RHBDF1: variants seen among roughly 807,000 people sequenced by gnomAD.
RHBDF1 encodes rhomboid 5 homolog 1.
A neutral mutation model predicts 98.6 loss-of-function variants in RHBDF1; 80 were observed. That is an observed-to-expected ratio of 0.81 (90% CI 0.68 to 0.98). The LOEUF (loss-of-function observed/expected upper bound fraction) is 0.98, where lower values mean the gene tolerates loss of function less well. Among genes scored for constraint, RHBDF1 ranks in the 50% least tolerant of loss-of-function variants. The pLI, the probability that RHBDF1 is intolerant of heterozygous loss-of-function variation, is 0.00. For synonymous variants in RHBDF1, 512 were observed against 486.8 expected (o/e 1.05, Z -0.68); for missense variants, 1,116 against 1,198.3 (o/e 0.93, Z 1.01).
intron 3 of RHBDF1, chr16:64,394 C>A (rs1897763253): frequency 7.2e-7 from 1 of 1,388,920 alleles, no homozygotes; most frequent in South Asian, 1.2e-5. Flanking sequence ...GCCCGGGGAC[C>A]CAAGAGGGGC....
intron 1 of RHBDF1, among the ~76,000 whole-genome samples, chr16:66,238 C>T (rs1030581420): frequency 3.3e-5 from 5 of 152,172 alleles, no homozygotes; most frequent in South Asian, 2.1e-4. Context: ...CTGACAGGCT[C>T]GGAGCCGCTG....
rs142226341 is a variant in RHBDF1, at chr16:58,715, G to A, written c.2193C>T (p.Phe731=). 4.8e-5 allele frequency: 78 copies of A among 1,612,886 alleles called. No homozygotes were observed. The Middle Eastern group carries it at 5.0e-4, about 10-fold the overall frequency. ...GSQFGILACL[F]VELFQSWQIL... ...TCTGCCAGCTCTGGAAGAGCTCCAC[G>A]AAGAGGCAGGCCAGGATGCCGAACT... The change falls in exon 18 of 18, where the codon TTC becomes TTT. Residue 731 remains phenylalanine, a synonymous_variant. Transcript: ENST00000262316.
upstream of RHBDF1, chr16:72,722 TGCCCG>T: frequency 3.1e-6 from 3 of 983,044 alleles, no homozygotes; most frequent in Non-Finnish European, 3.6e-6. Flanking sequence ...GCCGCCCGCC[TGCCCG>T]GCCCAAGTCA....
At chr16:68,683 C>T (rs1009989195) in intron 1 of RHBDF1, among the ~76,000 whole-genome samples, 3 of 152,078 alleles carry the variant, frequency 2.0e-5, no homozygotes, top group South Asian at 4.1e-4. Context: ...GCAGGACTCT[C>T]GATGAGGCTG....
Position 63,180 on chromosome 16 carries a change from G to A in RHBDF1, c.465C>T (p.Ile155=), listed in dbSNP as rs761800008. ...CACGGCCACGGGCCAGGGGGTCTAT[G>A]ATCTGGAGGAGGGGAGGAGATGCTG... ...VGPCQLGMQK[I]IDPLARGRAF... Residue 155 remains isoleucine, a splice_region_variant and synonymous_variant, in exon 5 of 18, where the codon ATC becomes ATT. Transcript: ENST00000262316. The A allele has an allele frequency of 6.4e-7, 1 of 1,567,574 alleles. No homozygotes were observed. The highest frequency in any genetic ancestry group is 2.3e-5 in the East Asian group (1 of 42,980).
chr16:64,525 G>A (rs1032741164), intron 3 of RHBDF1, 174 bp downstream of exon 3: 8 of 1,545,412 alleles, frequency 5.2e-6, no homozygotes, highest in Non-Finnish European at 6.1e-6. Flanking sequence ...GGGTAGTGGG[G>A]TGAGAGCGGT....
chr16:60,421 G>C lies in RHBDF1; in HGVS notation c.1658+18C>G, dbSNP rs753437960. 2.1e-4 allele frequency: 330 copies of C among 1,608,246 alleles called. No homozygotes were observed. Among genetic ancestry groups the C allele is most frequent in the Non-Finnish European group, 2.7e-4 (317 of 1,176,794 alleles). ...GGTGTGGACAAAGGCAGGTGAGAGA[G>C]CTGCCGGCAGGACTAACCTGGGATC... is the stretch of plus-strand genomic sequence containing the variant. On this transcript the variant is annotated intron_variant, in intron 12 of 17. Coordinates refer to ENST00000262316, the MANE Select transcript of RHBDF1 (RefSeq NM_022450.5).
chr16:67,584 T>G (rs948212403), intron 1 of RHBDF1, among the ~76,000 whole-genome samples: 12 of 152,328 alleles, frequency 7.9e-5, no homozygotes, highest in African/African-American at 2.9e-4. Flanking sequence ...GCAAATGCGC[T>G]CTGCCCACCC....
upstream of RHBDF1, chr16:74,059 A>C (rs1441381011): frequency 1.9e-6 from 1 of 533,768 alleles, no homozygotes; most frequent in Non-Finnish European, 2.4e-6. Flanking sequence ...AGACAATGGA[A>C]GCTTTGGAGG....
chr16:59,139 A>G lies in RHBDF1; in HGVS notation c.1995-12T>C, dbSNP rs1567111713. ...GGCAGTGCAAGATCCTGTAGTCAGT[A>G]GCAGGCGGGGGTCGGGAGACATTCA... On this transcript the variant is annotated splice_polypyrimidine_tract_variant and intron_variant, in intron 16 of 17. Coordinates refer to ENST00000262316, the MANE Select transcript of RHBDF1 (RefSeq NM_022450.5). 6.2e-7 allele frequency: 1 copy of G among 1,611,140 alleles called. No individual in the cohort carries two copies. The highest frequency in any genetic ancestry group is 1.7e-5 in the Admixed American group (1 of 59,966).
chr16:71,466 G>A (rs1205209439), intron 1 of RHBDF1, among the ~76,000 whole-genome samples: 1 of 152,214 alleles, frequency 6.6e-6, no homozygotes, highest in Non-Finnish European at 1.5e-5. Flanking sequence ...GTTGGGGTTA[G>A]CTCCACAGGG....
rs761037549 is a variant in RHBDF1, at chr16:59,063, C to T, written c.2059G>A (p.Ala687Thr). Residue 687 changes from alanine to threonine, a missense_variant, in exon 17 of 18, where the codon GCA (alanine) becomes ACA (threonine). Physicochemically the swap from Ala to Thr is moderately conservative, Grantham distance 58 (BLOSUM62 0). Transcript: ENST00000262316. ...MTVLRDLEKLAGWHRIAIIYL... is the reference protein window; with the variant it reads ...MTVLRDLEKLTGWHRIAIIYL... ...ATGATGGCTATGCGGTGCCAGCCTG[C>T]CAGCTTCTCCAGGTCCCGCAGGACA... is the stretch of plus-strand genomic sequence containing the variant. The T allele has an allele frequency of 9.3e-6, 15 of 1,613,454 alleles. No individual in the cohort carries two copies. Among genetic ancestry groups the T allele is most frequent in the Non-Finnish European group, 1.2e-5 (14 of 1,180,016 alleles).
chr16:65,288 C>T (rs937059875), intron 1 of RHBDF1, among the ~76,000 whole-genome samples: 2 of 152,232 alleles, frequency 1.3e-5, no homozygotes, highest in African/African-American at 4.8e-5. Flanking sequence ...TCTGAGCACA[C>T]ACTATGGTCA....
Position 58,401 on chromosome 16 carries a change from G to C in RHBDF1, c.2507C>G (p.Thr836Ser). The change falls in exon 18 of 18, where the codon ACC (threonine) becomes AGC (serine). Residue 836 changes from threonine to serine, a missense_variant. Coordinates refer to ENST00000262316, the MANE Select transcript of RHBDF1 (RefSeq NM_022450.5). The stretch of plus-strand genomic sequence containing the variant: ...GAACTTGTCAGTGAAGGGGATGCAG[G>C]TGAGGAACTCACACCACTCACAGCG... ...PVRCEWCEFLTCIPFTDKFCE... is the reference protein window; with the variant it reads ...PVRCEWCEFLSCIPFTDKFCE... 6.2e-7 allele frequency: 1 copy of C among 1,613,918 alleles called. No homozygotes were observed. The highest frequency in any genetic ancestry group is 1.1e-5 in the South Asian group (1 of 91,086).
intron 1 of RHBDF1, among the ~76,000 whole-genome samples, chr16:71,878 G>C (rs2141872309): frequency 6.6e-6 from 1 of 152,368 alleles, no homozygotes; most frequent in South Asian, 2.1e-4. Context: ...TGGCCTCTGC[G>C]CACAGAGTGA....
rs1897540829 is a variant in RHBDF1, at chr16:59,838, A to C, written c.1723-12T>G. 1 of 1,613,858 alleles carries C rather than the reference A, an allele frequency of 6.2e-7. No individual in the cohort carries two copies. The highest frequency in any genetic ancestry group is 8.5e-7 in the Non-Finnish European group (1 of 1,179,950). On this transcript the variant is annotated splice_polypyrimidine_tract_variant and intron_variant, in intron 13 of 17. Coordinates refer to ENST00000262316, the MANE Select transcript of RHBDF1 (RefSeq NM_022450.5). ...TTTTTGGTGCAGATCTGGGTCACAA[A>C]TGAGGACGAGCTGAGTCAGGGCCTC...
At chr16:66,547 C>T (rs1187377536) in intron 1 of RHBDF1, among the ~76,000 whole-genome samples, 1 of 152,188 alleles carries the variant, frequency 6.6e-6, no homozygotes, top group Non-Finnish European at 1.5e-5. Context: ...ACAGCCCCTA[C>T]TGGTCCTACA....
intron 7 of RHBDF1, 119 bp downstream of exon 7, chr16:62,419 C>T: frequency 7.4e-7 from 1 of 1,355,608 alleles, no homozygotes; most frequent in Non-Finnish European, 1.0e-6. Context: ...GTAGTGAGTT[C>T]CCAGTCCCTG....
At chr16:70,247 T>C (rs1157171336) in intron 1 of RHBDF1, among the ~76,000 whole-genome samples, 1 of 152,190 alleles carries the variant, frequency 6.6e-6, no homozygotes, top group African/African-American at 2.4e-5. Flanking sequence ...TGCTGGTCAC[T>C]GCTAGTCCCC....
Sources: gnomAD v4.1 joint callset for allele counts (sites outside exome capture counted in the v4.1 genomes callset) on GRCh38, gnomAD v4.1.1 for gene constraint, MANE v1.5 for transcripts, NCBI Gene and HGNC (gene_info 2026-07-23, HGNC 2026-07-21) for gene names.